CRACD: variants seen among roughly 807,000 people sequenced by gnomAD.
CRACD encodes the protein capping protein-inhibiting regulator of actin dynamics.
Under a neutral mutation model 106.8 loss-of-function variants are expected in CRACD, and 56 were observed. The ratio of observed to expected loss-of-function variants is 0.52; its 90% CI spans 0.42 to 0.66. The LOEUF is 0.66. Ranked by LOEUF, CRACD falls within the 30% of genes least tolerant of loss-of-function variation. The pLI, the probability that CRACD is intolerant of heterozygous loss-of-function variation, is 0.00. For synonymous variants in CRACD, 754 were observed against 670.8 expected (o/e 1.12, Z -1.92); for missense variants, 1,730 against 1,623.2 (o/e 1.07, Z -1.13).
intron 2 of CRACD, among the ~76,000 whole-genome samples, chr4:56,213,767 G>T (rs1738526998): frequency 6.6e-6 from 1 of 152,236 alleles, no homozygotes; most frequent in Non-Finnish European, 1.5e-5. Flanking sequence ...CCAATACTTG[G>T]TGATTAGCAG....
intron 2 of CRACD, among the ~76,000 whole-genome samples, chr4:56,269,584 GA>G (rs1742229473): frequency 1.6e-5 from 1 of 64,072 alleles, no homozygotes; most frequent in African/African-American, 5.9e-5. Flanking sequence ...TTTTTTTTTT[GA>G]GACAGAGTCT....
chr4:56,315,983 G>T lies in CRACD; in HGVS notation c.2481G>T (p.Gly827=), dbSNP rs747705451. ...TTSSDSETAN[G]IAKPDPVMPG... ...CGTCGGACAGCGAGACTGCAAACGG[G>T]ATAGCAAAGCCAGACCCTGTGATGC... The change falls in exon 8 of 11, where the codon GGG becomes GGT. Residue 827 remains glycine (G), a synonymous_variant. Transcript: ENST00000682029. This position sits in a 1 kb window ranked among gnomAD's most constrained non-coding sequence, Gnocchi z 4.1. 6.2e-7 allele frequency: 1 copy of T among 1,614,246 alleles called. No homozygotes were observed. Among genetic ancestry groups the T allele is most frequent in the Admixed American group, 1.7e-5 (1 of 60,036 alleles).
chr4:56,307,606 T>C lies in CRACD; in HGVS notation c.192T>C (p.Ser64=). The C allele has an allele frequency of 6.2e-7, 1 of 1,614,132 alleles. No individual in the cohort carries two copies. The highest frequency in any genetic ancestry group is 8.5e-7 in the Non-Finnish European group (1 of 1,180,020). ...CCATTCCCATGAATAAGGCAAACAG[T>C]GGAGAGGCTAGCTTAGAAGAGGATC... ...PNAIPMNKAN[S]GEASLEEDLF... is the part of the protein sequence containing the mutation. Residue 64 remains serine (S), a synonymous_variant, in exon 5 of 11, where the codon AGT becomes AGC. Coordinates refer to ENST00000682029, the MANE Select transcript of CRACD (RefSeq NM_001393381.1).
chr4:56,076,381 G>T (rs537782600), intron 1 of CRACD, among the ~76,000 whole-genome samples: 4 of 152,190 alleles, frequency 2.6e-5, no homozygotes, highest in Admixed American at 2.0e-4. Context: ...AGGCTGAGGA[G>T]CACTGAAGTA....
chr4:56,102,263 A>G (rs1191763612), intron 1 of CRACD, among the ~76,000 whole-genome samples: 2 of 148,654 alleles, frequency 1.3e-5, no homozygotes, highest in African/African-American at 4.9e-5. Context: ...ATCTTAATGC[A>G]TTTACATTTT....
chr4:56,276,681 A>G (rs554219360), intron 3 of CRACD, among the ~76,000 whole-genome samples: 12 of 152,282 alleles, frequency 7.9e-5, no homozygotes, highest in Admixed American at 7.9e-4. Context: ...TTAAACATCC[A>G]CTACTGTGCC....
chr4:56,155,855 C>A (rs543948688), intron 1 of CRACD, among the ~76,000 whole-genome samples: 1 of 152,272 alleles, frequency 6.6e-6, no homozygotes, highest in African/African-American at 2.4e-5. Context: ...CTAGATGGGC[C>A]TATCCATTGA....
intron 1 of CRACD, among the ~76,000 whole-genome samples, chr4:56,079,541 G>A (rs891192860): frequency 6.6e-5 from 10 of 151,512 alleles, no homozygotes; most frequent in African/African-American, 2.2e-4. Context: ...TGCCTCCTGC[G>A]TTCAAATCGT....
intron 1 of CRACD, among the ~76,000 whole-genome samples, chr4:56,066,707 C>A (rs1253703380): frequency 1.3e-5 from 2 of 152,104 alleles, no homozygotes; most frequent in Non-Finnish European, 1.5e-5. Flanking sequence ...TATATGTCTG[C>A]CTAGAACCCT....
chr4:56,138,955 C>A (rs1735100126), intron 1 of CRACD, among the ~76,000 whole-genome samples: 1 of 152,166 alleles, frequency 6.6e-6, no homozygotes, highest in Non-Finnish European at 1.5e-5. Flanking sequence ...ATAAGTATAA[C>A]TTTAGTAGGT....
intron 2 of CRACD, among the ~76,000 whole-genome samples, chr4:56,226,184 A>G (rs1289182225): frequency 6.6e-6 from 1 of 152,210 alleles, no homozygotes; most frequent in Admixed American, 6.5e-5. Context: ...TGCCTTAATC[A>G]TCATTGAATG....
intron 1 of CRACD, among the ~76,000 whole-genome samples, chr4:56,108,473 G>A (rs59852237): frequency 0.024 from 3,696 of 152,286 alleles, 52 homozygotes; most frequent in East Asian, 0.065. Context: ...CAAGCCCTAC[G>A]GGGCTTAGCG....
chr4:56,129,311 T>C (rs1377295325), intron 1 of CRACD, among the ~76,000 whole-genome samples: 1 of 152,162 alleles, frequency 6.6e-6, no homozygotes, highest in East Asian at 1.9e-4. Context: ...CAAGTGATCC[T>C]CTTGTCTCAG....
intron 8 of CRACD, among the ~76,000 whole-genome samples, chr4:56,317,559 G>C (rs941645356): frequency 6.6e-6 from 1 of 152,158 alleles, no homozygotes; most frequent in East Asian, 1.9e-4. Context: ...AGGGGGCCTC[G>C]CAGTGATGAT....
intron 1 of CRACD, among the ~76,000 whole-genome samples, chr4:56,166,293 AG>A (rs1454017945): frequency 1.3e-5 from 2 of 152,238 alleles, no homozygotes; most frequent in African/African-American, 4.8e-5. Flanking sequence ...AGTTATGTGC[AG>A]CAAAGATATT....
At chr4:56,112,229 A>G (rs1734144121) in intron 1 of CRACD, among the ~76,000 whole-genome samples, 1 of 152,122 alleles carries the variant, frequency 6.6e-6, no homozygotes, top group Admixed American at 6.5e-5. Flanking sequence ...GCAGCGAGAG[A>G]AAGTGAGGCA....
At chr4:56,199,737 C>A (rs1227019281) in intron 2 of CRACD, among the ~76,000 whole-genome samples, 1 of 151,268 alleles carries the variant, frequency 6.6e-6, no homozygotes, top group South Asian at 2.1e-4. Flanking sequence ...TTTCTTTATG[C>A]CCTTAGTTTG....
chr4:56,225,543 A>G (rs935220724), intron 2 of CRACD, among the ~76,000 whole-genome samples: 1 of 151,270 alleles, frequency 6.6e-6, no homozygotes, highest in Non-Finnish European at 1.5e-5. Context: ...TATTTCTCTC[A>G]TCTTCTATTT....
At chr4:56,270,471 G>A (rs1268761903) in intron 2 of CRACD, among the ~76,000 whole-genome samples, 1 of 152,176 alleles carries the variant, frequency 6.6e-6, no homozygotes, top group Non-Finnish European at 1.5e-5. Flanking sequence ...TTCCTCTATG[G>A]ATCTGGCCAG....
Sources: allele counts gnomAD v4.1 joint callset (sites outside exome capture counted in the v4.1 genomes callset), GRCh38; gene constraint gnomAD v4.1.1; non-coding constraint Gnocchi (gnomAD v3.1); transcripts MANE v1.5; gene names NCBI Gene and HGNC (gene_info 2026-07-23, HGNC 2026-07-21).